Variants in SENP7 observed in about 807,000 individuals in gnomAD.
The protein encoded by SENP7 is SUMO specific peptidase 7.
Under a neutral mutation model 141.2 loss-of-function variants are expected in SENP7, and 64 were observed. The observed-to-expected ratio is 0.45, with a 90% CI of 0.37 to 0.56. The LOEUF (loss-of-function observed/expected upper bound fraction) is 0.56, where lower values mean the gene tolerates loss of function less well. SENP7 is among the 20% of genes least tolerant of loss of function. SENP7 has a pLI of 0.00. For synonymous variants in SENP7, 382 were observed against 426.4 expected (o/e 0.90, Z 1.28); for missense variants, 1,025 against 1,212.2 (o/e 0.85, Z 2.29).
chr3:101,416,383 G>A (rs1339486508), intron 5 of SENP7, among the ~76,000 whole-genome samples: 6 of 152,276 alleles, frequency 3.9e-5, no homozygotes, highest in South Asian at 2.1e-4. Flanking sequence ...AGGATGAGGC[G>A]ATTGATGAGT....
At chr3:101,353,060 G>A (rs1487418965) in intron 11 of SENP7, among the ~76,000 whole-genome samples, 1 of 151,820 alleles carries the variant, frequency 6.6e-6, no homozygotes, top group Non-Finnish European at 1.5e-5. Flanking sequence ...CTTAATCAAG[G>A]AAGTTGTTAT....
intron 17 of SENP7, among the ~76,000 whole-genome samples, chr3:101,333,861 AC>A (rs1193510928): frequency 4.6e-5 from 7 of 152,154 alleles, no homozygotes; most frequent in Admixed American, 3.9e-4. Context: ...GCAGTCCCCA[AC>A]CTTTTTGGCA....
At chr3:101,481,025 T>C (rs2064451271) in intron 3 of SENP7, among the ~76,000 whole-genome samples, 1 of 147,926 alleles carries the variant, frequency 6.8e-6, no homozygotes. Flanking sequence ...ACACTGTTGG[T>C]GGGAATGTAA....
At chr3:101,465,491 G>T (rs1181157840) in intron 3 of SENP7, among the ~76,000 whole-genome samples, 1 of 152,144 alleles carries the variant, frequency 6.6e-6, no homozygotes, top group Non-Finnish European at 1.5e-5. Flanking sequence ...CCTCACCATG[G>T]CTGCCATTAA....
intron 6 of SENP7, among the ~76,000 whole-genome samples, chr3:101,383,593 T>C (rs1379625253): frequency 6.6e-6 from 1 of 152,094 alleles, no homozygotes; most frequent in Non-Finnish European, 1.5e-5. Flanking sequence ...CAGTGCCCAC[T>C]CCAATTCTAG....
intron 6 of SENP7, among the ~76,000 whole-genome samples, chr3:101,377,000 A>G (rs1372384977): frequency 6.6e-6 from 1 of 152,194 alleles, no homozygotes; most frequent in Admixed American, 6.5e-5. Context: ...GAAAAACACT[A>G]TATTTATTAG....
At chr3:101,428,319 T>TA (rs1237370961) in intron 4 of SENP7, among the ~76,000 whole-genome samples, 1 of 152,228 alleles carries the variant, frequency 6.6e-6, no homozygotes, top group Non-Finnish European at 1.5e-5. Context: ...ACCAACAATG[T>TA]AAAAGTGTTC....
intron 4 of SENP7, chr3:101,457,127 T>C (rs1576412741): frequency 4.1e-6 from 3 of 737,732 alleles, no homozygotes; most frequent in Non-Finnish European, 4.6e-6. Context: ...TTAAAAATAT[T>C]AGAGATCTAG....
At chr3:101,357,276 C>G in intron 11 of SENP7, 1 of 526,574 alleles carries the variant, frequency 1.9e-6, no homozygotes, top group Non-Finnish European at 3.6e-6. Flanking sequence ...GCTGAGATTA[C>G]AGGCGTGAGC....
intron 3 of SENP7, among the ~76,000 whole-genome samples, chr3:101,483,976 G>T (rs1286183429): frequency 1.3e-5 from 2 of 151,952 alleles, no homozygotes; most frequent in African/African-American, 4.8e-5. Flanking sequence ...GCAGTAAGCT[G>T]AAATTACACC....
chr3:101,471,265 C>T (rs2063981819), intron 3 of SENP7, among the ~76,000 whole-genome samples: 1 of 152,204 alleles, frequency 6.6e-6, no homozygotes, highest in South Asian at 2.1e-4. Flanking sequence ...TACAAGGCTA[C>T]AGTAACCAAA....
intron 3 of SENP7, among the ~76,000 whole-genome samples, chr3:101,475,301 C>A (rs2064171209): frequency 6.6e-6 from 1 of 152,172 alleles, no homozygotes; most frequent in Non-Finnish European, 1.5e-5. Flanking sequence ...ACGGAATCAT[C>A]CCAAATGCCC....
intron 4 of SENP7, among the ~76,000 whole-genome samples, chr3:101,418,609 G>T (rs2061692526): frequency 2.0e-5 from 3 of 150,652 alleles, no homozygotes; most frequent in Admixed American, 2.0e-4. Context: ...CTTTTTGTTT[G>T]TTTGCTTAAC....
Position 101,375,090 on chromosome 3 carries a change from A to T in SENP7, c.678-2964T>A, listed in dbSNP as rs139032944. Among the ~76,000 whole-genome samples the T allele has an allele frequency of 3.2e-4, 48 of 152,042 alleles. No homozygotes were observed. The East Asian group carries it at 7.3e-3, about 23-fold the overall frequency. Reference sequence around the variant, plus strand: ...CACACAGATTAGGACAGAGTAATTTAAAAAAAAATTTTTTTTTCATTAAAA... The same window carrying T: ...CACACAGATTAGGACAGAGTAATTTTAAAAAAAATTTTTTTTTCATTAAAA... On this transcript the variant is annotated intron_variant, in intron 6 of 23. Transcript: ENST00000394095.
intron 3 of SENP7, among the ~76,000 whole-genome samples, chr3:101,464,100 CAGGT>C (rs1486691280): frequency 2.0e-5 from 3 of 152,276 alleles, no homozygotes; most frequent in Non-Finnish European, 2.9e-5. Flanking sequence ...GCTGGAATTA[CAGGT>C]GTGAGCCACC....
chr3:101,472,111 A>T (rs572870471), intron 3 of SENP7, among the ~76,000 whole-genome samples: 4 of 152,268 alleles, frequency 2.6e-5, no homozygotes, highest in African/African-American at 9.6e-5. Flanking sequence ...TCAAGGATCT[A>T]GACCTGGAAT....
chr3:101,431,649 T>C (rs1222338673), intron 4 of SENP7, among the ~76,000 whole-genome samples: 1 of 151,364 alleles, frequency 6.6e-6, no homozygotes, highest in Non-Finnish European at 1.5e-5. Flanking sequence ...CTGGGTGTGG[T>C]GGCGTGGGTC....
exon 1 of SENP7, chr3:101,513,208 GAAAGGAAAAAAAAAAA>G: frequency 3.4e-5 from 9 of 261,576 alleles, no homozygotes; most frequent in East Asian, 1.8e-4. Context: ...AGGGGGAGGG[GAAAGGAAAAAAAAAAA>G]AAAAAAAAAA....
At chr3:101,337,907 C>A (rs2059228878) in intron 16 of SENP7, among the ~76,000 whole-genome samples, 1 of 152,058 alleles carries the variant, frequency 6.6e-6, no homozygotes, top group Non-Finnish European at 1.5e-5. Context: ...GTAATCCAAG[C>A]ACTTTGGGAG....
Sources: allele counts gnomAD v4.1 joint callset (sites outside exome capture counted in the v4.1 genomes callset), GRCh38; gene constraint gnomAD v4.1.1; transcripts MANE v1.5; gene names NCBI Gene and HGNC (gene_info 2026-07-23, HGNC 2026-07-21).